SLC38A8: variants seen among roughly 807,000 people sequenced by gnomAD.
SLC38A8 encodes amino acid transporter SLC38A8.
A neutral mutation model predicts 46.0 loss-of-function variants in SLC38A8; 65 were observed. The ratio of observed to expected loss-of-function variants is 1.41; its 90% CI spans 1.16 to 1.74. The LOEUF is 1.74. SLC38A8 is among the 40% of genes most tolerant of loss of function. The probability of loss-of-function intolerance (pLI) is 0.00; values close to 1 mark genes in which losing one functional copy is unlikely to be tolerated. For missense variants in SLC38A8, 998 were observed against 567.9 expected (o/e 1.76, Z -7.70); for synonymous variants, 447 against 243.7 (o/e 1.83, Z -7.77).
chr16:84,024,144 T>C (rs71404128), intron 6 of SLC38A8, among the ~76,000 whole-genome samples: 37,024 of 151,870 alleles, frequency 0.24, 4,732 homozygotes, highest in Non-Finnish European at 0.27. Context: ...TCTGCAGACA[T>C]GGTCAAATGT....
chr16:84,015,071 C>T (rs2085009116), intron 9 of SLC38A8, among the ~76,000 whole-genome samples: 1 of 152,134 alleles, frequency 6.6e-6, no homozygotes, highest in Admixed American at 6.6e-5. Flanking sequence ...GTTGGGGATA[C>T]CTGGCTAAGG....
chr16:84,018,223 C>CTTTTT lies in SLC38A8; in HGVS notation c.806-941_806-937dup, dbSNP rs796178053. ...ATGAGCTCTGACTCAGCCCTCATTC[C>CTTTTT]TTTTTTTTTTTTTTTTTTTTTTTTT... On this transcript the variant is annotated intron_variant, in intron 7 of 10. Coordinates refer to ENST00000299709, the MANE Select transcript of SLC38A8 (RefSeq NM_001080442.3). Among the ~76,000 whole-genome samples the CTTTTT allele has an allele frequency of 1.8e-4, 14 of 79,942 alleles. 2 individuals are homozygous for CTTTTT. The South Asian group carries it at 2.8e-3, about 16-fold the overall frequency. The allele number at this position is 79,942 out of a possible 152,430, so 52.4% of individuals were successfully genotyped here. A position where few individuals can be genotyped will look rare whatever the true frequency, so the allele number is the denominator to read the frequency against.
At chr16:84,041,590 G>A (rs2151131388) in intron 2 of SLC38A8, among the ~76,000 whole-genome samples, 1 of 152,312 alleles carries the variant, frequency 6.6e-6, no homozygotes, top group Non-Finnish European at 1.5e-5. Flanking sequence ...TGCGATTATA[G>A]GCACGAGCCA....
chr16:84,020,213 T>A (rs928645386), intron 7 of SLC38A8, among the ~76,000 whole-genome samples: 30 of 150,590 alleles, frequency 2.0e-4, no homozygotes, highest in Non-Finnish European at 7.4e-5. Flanking sequence ...CAATCACAGC[T>A]CATTCCAGCC....
intron 2 of SLC38A8, among the ~76,000 whole-genome samples, chr16:84,037,319 C>A (rs1048193430): frequency 1.3e-5 from 2 of 152,354 alleles, no homozygotes; most frequent in East Asian, 3.9e-4. Flanking sequence ...CACTGCTCAC[C>A]TGCTGTGTGG....
intron 3 of SLC38A8, 123 bp from the exon 4 acceptor site, chr16:84,033,592 G>C: frequency 4.4e-6 from 5 of 1,130,558 alleles, no homozygotes; most frequent in Non-Finnish European, 6.2e-6. Flanking sequence ...CAGGAGCCCA[G>C]GGATCAGACG....
chr16:84,009,740 G>T lies in SLC38A8; in HGVS notation c.*44C>A, dbSNP rs764569873. ...TGGCTGCATACAGCAGCCACGTAGG[G>T]TCAGCCCCCGGAGGGCCCCTTCCTG... On this transcript the variant is annotated 3_prime_UTR_variant, in exon 11 of 11. Transcript: ENST00000299709. 1.1e-5 allele frequency: 18 copies of T among 1,565,414 alleles called. No homozygotes were observed. Among genetic ancestry groups the T allele is most frequent in the Admixed American group, 1.8e-5 (1 of 55,050 alleles).
At chr16:84,027,721 G>C (rs1001821747) in intron 6 of SLC38A8, among the ~76,000 whole-genome samples, 2 of 152,060 alleles carry the variant, frequency 1.3e-5, no homozygotes, top group African/African-American at 2.4e-5. Flanking sequence ...TCTTCATCTC[G>C]GCATCCCGTG....
chr16:84,033,424 C>T lies in SLC38A8; in HGVS notation c.434G>A (p.Trp145Ter), dbSNP rs1310357008. Reference sequence around the variant, plus strand: ...CAGGGTGAAGCGCTGGTCTGCGTACCACGGCTGCGGGGCGGGCGGGGTGCC... The same window carrying T: ...CAGGGTGAAGCGCTGGTCTGCGTACTACGGCTGCGGGGCGGGCGGGGTGCC... Reference protein sequence around the residue: ...LSGTPPAPQPWYADQRFTLPL... With the variant: ...LSGTPPAPQP The change falls in exon 4 of 11, where the codon TGG (tryptophan) becomes TAG (stop). Residue 145 changes from tryptophan (W) to a stop codon, truncating the protein, a stop_gained. Transcript: ENST00000299709. LOFTEE classifies it high-confidence loss of function. The T allele has an allele frequency of 1.9e-6, 3 of 1,612,666 alleles. No individual in the cohort carries two copies. Among genetic ancestry groups the T allele is most frequent in the Admixed American group, 1.7e-5 (1 of 59,864 alleles).
chr16:84,030,367 C>T (rs553608817), intron 5 of SLC38A8, among the ~76,000 whole-genome samples: 7 of 152,146 alleles, frequency 4.6e-5, no homozygotes, highest in Non-Finnish European at 8.8e-5. Context: ...CTCATCCCCT[C>T]GACCTGCCTG....
intron 2 of SLC38A8, among the ~76,000 whole-genome samples, chr16:84,039,413 G>A (rs1373796734): frequency 6.6e-6 from 1 of 152,158 alleles, no homozygotes; most frequent in African/African-American, 2.4e-5. Flanking sequence ...CCAGAGAAGG[G>A]CCTGACAAAT....
At chr16:84,034,909 G>A (rs75574375) in intron 3 of SLC38A8, among the ~76,000 whole-genome samples, 8,766 of 152,076 alleles carry the variant, frequency 0.058, 376 homozygotes, top group Non-Finnish European at 0.088. Context: ...CAGCGTTCCC[G>A]GATGCTTGAG....
chr16:84,011,936 G>C (rs534953616), intron 10 of SLC38A8, among the ~76,000 whole-genome samples: 1 of 152,158 alleles, frequency 6.6e-6, no homozygotes, highest in Non-Finnish European at 1.5e-5. Flanking sequence ...GAGACACAGG[G>C]AGAAAGCTAA....
chr16:84,025,456 G>A lies in SLC38A8; in HGVS notation c.691-2567C>T, dbSNP rs76178385. 4.0e-4 allele frequency among the ~76,000 whole-genome samples: 61 copies of A among 152,270 alleles called. No individual in the cohort carries two copies. The East Asian group carries it at 7.5e-3, about 19-fold the overall frequency. On this transcript the variant is annotated intron_variant, in intron 6 of 10. Coordinates refer to ENST00000299709, the MANE Select transcript of SLC38A8 (RefSeq NM_001080442.3). Reference sequence around the variant, plus strand: ...GCTGGTTTCCTCTCTCACACAGCCCGTGTCCTCAACACGAGCGGGCTTTTC... The same window carrying A: ...GCTGGTTTCCTCTCTCACACAGCCCATGTCCTCAACACGAGCGGGCTTTTC...
intron 9 of SLC38A8, among the ~76,000 whole-genome samples, chr16:84,014,142 G>C (rs2094391305): frequency 2.0e-5 from 3 of 151,682 alleles, no homozygotes; most frequent in East Asian, 2.0e-4. Context: ...CAGAGCCTGA[G>C]GGAGGAGCTA....
chr16:84,033,835 A>G (rs2085273451), intron 3 of SLC38A8, among the ~76,000 whole-genome samples: 1 of 152,184 alleles, frequency 6.6e-6, no homozygotes, highest in Admixed American at 6.5e-5. Flanking sequence ...GGGGGCCTGA[A>G]GTCGATTTTT....
rs777106915 is a variant in SLC38A8 at position 84,009,783 on chromosome 16, A to G, written c.*1T>C. On this transcript the variant is annotated 3_prime_UTR_variant, in exon 11 of 11. Transcript: ENST00000299709. ...CCTTCCTGCCCGGCACTAGCTGCCC[A>G]TCAGAACATCTCCCAGACCGCTGCC... The G allele has an allele frequency of 6.8e-6, 11 of 1,613,596 alleles. No individual in the cohort carries two copies. The highest frequency in any genetic ancestry group is 1.6e-4 in the Middle Eastern group (1 of 6,062).
intron 6 of SLC38A8, among the ~76,000 whole-genome samples, chr16:84,027,897 A>C (rs1485478104): frequency 6.6e-6 from 1 of 152,170 alleles, no homozygotes; most frequent in African/African-American, 2.4e-5. Context: ...CAGTCCAGAC[A>C]AACAGTTGAC....
At chr16:84,034,177 T>A (rs922686674) in intron 3 of SLC38A8, among the ~76,000 whole-genome samples, 1 of 152,320 alleles carries the variant, frequency 6.6e-6, no homozygotes, top group South Asian at 2.1e-4. Flanking sequence ...CACCTCCAAC[T>A]TCTTCCATGG....
Sources: allele counts gnomAD v4.1 joint callset (sites outside exome capture counted in the v4.1 genomes callset), GRCh38; gene constraint gnomAD v4.1.1; transcripts MANE v1.5; gene names NCBI Gene and HGNC (gene_info 2026-07-23, HGNC 2026-07-21).